Variants in NISCH observed in about 807,000 individuals in gnomAD.
NISCH encodes the protein I-1 receptor candidate protein.
Under a neutral mutation model 138.4 loss-of-function variants are expected in NISCH, and 55 were observed. The observed-to-expected ratio is 0.40, with a 90% confidence interval of 0.32 to 0.50. The LOEUF is 0.50. Among genes scored for constraint, NISCH ranks in the 20% least tolerant of loss-of-function variants. The pLI, the probability that NISCH is intolerant of heterozygous loss-of-function variation, is 0.71. For missense variants in NISCH, 1,643 were observed against 2,005.5 expected, an observed-to-expected ratio of 0.82 and a Z score of 3.45; for synonymous variants, 860 against 861.5, an observed-to-expected ratio of 1.00 and a Z score of 0.03.
At position 52,491,366 on chromosome 3, in the gene NISCH, C is replaced by G. The variant is rs1707557852; in HGVS notation, c.3757C>G (p.Gln1253Glu). ...TTCTCGTGCAGGTTCCACCCCGATG[C>G]AGGTGGTCACGTGCTTGACGCGGGA... The part of the protein sequence containing the change: ...HFRLTGSTPM[Q>E]VVTCLTRDSY... The change falls in exon 20 of 21, where the codon CAG (glutamine) becomes GAG (glutamate). Residue 1253 changes from glutamine (Q) to glutamate (E), a missense_variant. Coordinates refer to ENST00000345716, the MANE Select transcript of NISCH (RefSeq NM_007184.4). 1 of 1,611,942 alleles carries G rather than the reference C, an allele frequency of 6.2e-7. No homozygotes were observed.
At position 52,487,671 on chromosome 3, in the gene NISCH, G is replaced by C. The variant is rs760687880; in HGVS notation, c.2179G>C (p.Ala727Pro). Reference sequence around the variant, plus strand: ...GCAGGGCAGTATCCGCCAGTTCGCCGCCTGCCTTGTGCTCACCGACTTCGG... The same window carrying C: ...GCAGGGCAGTATCCGCCAGTTCGCCCCCTGCCTTGTGCTCACCGACTTCGG... ...HVQGSIRQFA[A>P]CLVLTDFGIA... Residue 727 changes from alanine (A) to proline (P), a missense_variant, in exon 16 of 21, where the codon GCC becomes CCC. Ala to Pro is a conservative substitution (Grantham distance 27). Coordinates refer to ENST00000345716, the MANE Select transcript of NISCH (RefSeq NM_007184.4). This position sits in a 1 kb window ranked among gnomAD's most constrained non-coding sequence, Gnocchi z 9.1. The C allele has an allele frequency of 2.5e-6, 4 of 1,613,708 alleles. No individual in the cohort carries two copies. Among genetic ancestry groups the C allele is most frequent in the Non-Finnish European group, 3.4e-6 (4 of 1,180,024 alleles).
chr3:52,490,904 T>C lies in NISCH; in HGVS notation c.3742+71T>C, dbSNP rs527898889. The C allele has an allele frequency of 6.4e-5, 102 of 1,585,708 alleles. No individual in the cohort carries two copies. The African/African-American group carries it at 1.3e-3, about 20-fold the overall frequency. On this transcript the variant is annotated intron_variant, in intron 19 of 20. Coordinates refer to ENST00000345716, the MANE Select transcript of NISCH (RefSeq NM_007184.4). ...ATCACCAGTGGGCTTCCACCTTCCG[T>C]ACGTGGGTGGGTTATCATAGACAGT... is the stretch of plus-strand genomic sequence containing the variant.
chr3:52,462,254 T>C (rs996929133), intron 3 of NISCH, among the ~76,000 whole-genome samples: 1 of 152,248 alleles, frequency 6.6e-6, no homozygotes, highest in Admixed American at 6.5e-5. Flanking sequence ...CATAGCACTG[T>C]TGACATTTTG....
At chr3:52,486,260 C>T (rs764157291) in intron 15 of NISCH, among the ~76,000 whole-genome samples, 5 of 152,068 alleles carry the variant, frequency 3.3e-5, no homozygotes, top group East Asian at 1.9e-4. Flanking sequence ...GGACCACAGG[C>T]GCACGCCACC....
intron 1 of NISCH, among the ~76,000 whole-genome samples, chr3:52,457,543 G>T (rs971909301): frequency 1.3e-5 from 2 of 152,190 alleles, no homozygotes; most frequent in African/African-American, 4.8e-5. Flanking sequence ...GTGACTTGTG[G>T]TAATCACCTT....
At position 52,480,555 on chromosome 3, in the gene NISCH, G is replaced by A. The variant is rs140793185; in HGVS notation, c.1528+260G>A. 1.8e-4 allele frequency: 266 copies of A among 1,460,670 alleles called. 3 individuals are homozygous for A. The highest frequency in any genetic ancestry group is 1.6e-3 in the South Asian group (113 of 71,080). The allele number at this position is 1,460,670 out of a possible 1,614,324, so 90.5% of individuals were successfully genotyped here. ...CAGCTCCTCTAGGAGACCGCAGGGT[G>A]TCTGACAGGCCCTGAGGCTGCCCTC... On this transcript the variant is annotated intron_variant, in intron 13 of 20. Coordinates refer to ENST00000345716, the MANE Select transcript of NISCH (RefSeq NM_007184.4).
At chr3:52,486,044 C>A (rs1042409753) in intron 15 of NISCH, among the ~76,000 whole-genome samples, 5 of 152,254 alleles carry the variant, frequency 3.3e-5, no homozygotes, top group Non-Finnish European at 1.5e-5. Flanking sequence ...TGTTGCCCTA[C>A]ACCAGGGGTT....
chr3:52,480,319 C>T (rs1413995386), intron 13 of NISCH, 24 bp downstream of exon 13: 1 of 1,613,262 alleles, frequency 6.2e-7, no homozygotes, highest in South Asian at 1.1e-5. Context: ...TATCTTGCTT[C>T]TAGTGGAGCC....
intron 8 of NISCH, 30 bp from the exon 9 acceptor site, chr3:52,477,544 G>A (rs374634514): frequency 1.2e-6 from 2 of 1,602,430 alleles, no homozygotes; most frequent in South Asian, 1.1e-5. Context: ...GCCCCCTACA[G>A]TAACATCGGG....
intron 13 of NISCH, 175 bp downstream of exon 13, chr3:52,480,470 G>A: frequency 1.3e-6 from 2 of 1,533,442 alleles, no homozygotes; most frequent in East Asian, 2.4e-5. Flanking sequence ...AGGGGTGCCT[G>A]GCCTGATGCC....
intron 11 of NISCH, 147 bp downstream of exon 11, chr3:52,478,724 G>A: frequency 1.4e-6 from 1 of 697,090 alleles, no homozygotes; most frequent in Non-Finnish European, 2.4e-6. Flanking sequence ...TCAGTTCTGG[G>A]AAGTCCACTA....
In NISCH at chr3:52,491,351, G is replaced by C; in HGVS notation, c.3743-1G>C. ...GCCCTGACCAGCCCCTTCTCGTGCAGGTTCCACCCCGATGCAGGTGGTCAC... is the reference window on the plus strand; with the variant it reads ...GCCCTGACCAGCCCCTTCTCGTGCACGTTCCACCCCGATGCAGGTGGTCAC... On this transcript the variant is annotated splice_acceptor_variant, in intron 19 of 20. Transcript: ENST00000345716. LOFTEE classifies it high-confidence loss of function. The C allele has an allele frequency of 6.2e-7, 1 of 1,610,542 alleles. No individual in the cohort carries two copies. The highest frequency in any genetic ancestry group is 8.5e-7 in the Non-Finnish European group (1 of 1,178,566).
Position 52,479,862 on chromosome 3 carries a change from G to C in NISCH, c.1416G>C (p.Lys472Asn). The change falls in exon 12 of 21, where the codon AAG becomes AAC. Residue 472 changes from lysine to asparagine, a missense_variant and splice_region_variant. Coordinates refer to ENST00000345716, the MANE Select transcript of NISCH (RefSeq NM_007184.4). The stretch of plus-strand genomic sequence containing the variant: ...CCAAACTGAGCAACCCAGAGAAGAA[G>C]GTGGGTTTGTGTGGCAGGTGGGAGG... ...VKSKLSNPEKKGGEDSRLSAA... is the reference protein window; with the variant it reads ...VKSKLSNPEKNGGEDSRLSAA... 1 of 1,610,790 alleles carries C rather than the reference G, an allele frequency of 6.2e-7. No individual in the cohort carries two copies. Among genetic ancestry groups the C allele is most frequent in the Non-Finnish European group, 8.5e-7 (1 of 1,177,646 alleles).
In NISCH at chr3:52,487,868, C is replaced by T. The variant is rs1266298123; in HGVS notation, c.2376C>T (p.Phe792=). 7.4e-6 allele frequency: 12 copies of T among 1,612,694 alleles called. No homozygotes were observed. Among genetic ancestry groups the T allele is most frequent in the Non-Finnish European group, 1.0e-5 (12 of 1,179,934 alleles). Residue 792 remains phenylalanine (F), a synonymous_variant, in exon 16 of 21, where the codon TTC becomes TTT. Transcript: ENST00000345716. The surrounding 1 kb of genome is among the most constrained non-coding windows in gnomAD (Gnocchi z 9.1). ...LKVRHSENTL[F]IISDAANLHE... Reference sequence around the variant, plus strand: ...TACGGCACAGTGAGAACACGCTCTTCATTATCTCGGACGCCGCCAACCTGC... The same window carrying T: ...TACGGCACAGTGAGAACACGCTCTTTATTATCTCGGACGCCGCCAACCTGC...
At chr3:52,470,553 C>G (rs1283100958) in intron 3 of NISCH, 2 of 405,532 alleles carry the variant, frequency 4.9e-6, no homozygotes, top group African/African-American at 4.1e-5. Context: ...CCCAAAAGCC[C>G]TTAGAGTAAT....
At position 52,487,580 on chromosome 3, in the gene NISCH, G is replaced by C; in HGVS notation, c.2088G>C (p.Ala696=). ...ERLALEWALG[A]DEDFLLEHIR... is the part of the protein sequence containing the mutation. ...TGGCTCTGGAATGGGCCCTGGGCGC[G>C]GACGAGGACTTCCTGCTGGAGCACA... is the stretch of plus-strand genomic sequence containing the variant. Residue 696 remains alanine (A), a synonymous_variant, in exon 16 of 21, where the codon GCG becomes GCC. Transcript: ENST00000345716. The surrounding 1 kb of genome is among the most constrained non-coding windows in gnomAD (Gnocchi z 9.1). The C allele has an allele frequency of 1.2e-6, 2 of 1,612,966 alleles. No homozygotes were observed. Among genetic ancestry groups the C allele is most frequent in the Admixed American group, 3.3e-5 (2 of 59,980 alleles).
chr3:52,492,570 C>T lies in NISCH; in HGVS notation c.*88C>T, dbSNP rs2153232000. On this transcript the variant is annotated 3_prime_UTR_variant, in exon 21 of 21. Coordinates refer to ENST00000345716, the MANE Select transcript of NISCH (RefSeq NM_007184.4). The stretch of plus-strand genomic sequence containing the variant: ...TTGTGTTCTCTAAAAATGTTTTATC[C>T]TCCCTTTGGTACCTTAATTTGACTG... The T allele has an allele frequency of 1.4e-6, 2 of 1,414,158 alleles. No individual in the cohort carries two copies. Among genetic ancestry groups the T allele is most frequent in the Middle Eastern group, 2.4e-4 (1 of 4,114 alleles). The allele number at this position is 1,414,158 out of a possible 1,614,324, so 87.6% of individuals were successfully genotyped here.
intron 13 of NISCH, 51 bp from the exon 14 acceptor site, chr3:52,484,462 T>TTGGGGGGCC: frequency 1.0e-5 from 8 of 788,670 alleles, no homozygotes; most frequent in South Asian, 2.1e-5. Flanking sequence ...ACAGCCGCTC[T>TTGGGGGGCC]CCCCGCCCCA....
intron 13 of NISCH, chr3:52,480,823 C>T: frequency 5.9e-6 from 9 of 1,519,558 alleles, no homozygotes; most frequent in Non-Finnish European, 7.0e-6. Context: ...AAGACCAGGC[C>T]CATTCGTCTG....
Sources: allele counts gnomAD v4.1 joint callset (sites outside exome capture counted in the v4.1 genomes callset), GRCh38; gene constraint gnomAD v4.1.1; non-coding constraint Gnocchi (gnomAD v3.1); transcripts MANE v1.5; gene names NCBI Gene and HGNC (gene_info 2026-07-23, HGNC 2026-07-21).